LRMDA: variants seen among roughly 807,000 people sequenced by gnomAD.
The protein encoded by LRMDA is leucine-rich melanocyte differentiation-associated protein.
A neutral mutation model predicts 29.8 loss-of-function variants in LRMDA; 18 were observed. That is an observed-to-expected ratio of 0.60 (90% CI 0.42 to 0.90). The LOEUF (loss-of-function observed/expected upper bound fraction) is 0.90. Among genes scored for constraint, LRMDA ranks in the 40% least tolerant of loss-of-function variants. The pLI, the probability that LRMDA is intolerant of heterozygous loss-of-function variation, is 0.00. For missense variants in LRMDA, 273 were observed against 273.9 expected (o/e 1.00, Z 0.02); for synonymous variants, 125 against 109.4 (o/e 1.14, Z -0.89).
At chr10:76,418,515 T>G (rs1453052565) in intron 6 of LRMDA, among the ~76,000 whole-genome samples, 1 of 152,054 alleles carries the variant, frequency 6.6e-6, no homozygotes, top group African/African-American at 2.4e-5. Flanking sequence ...CCTTGCTAAA[T>G]TCACTTATTT....
chr10:75,643,127 T>C (rs944461821), intron 2 of LRMDA: 1 of 152,196 alleles, frequency 6.6e-6, no homozygotes, highest in Middle Eastern at 3.2e-3. Context: ...ACAATTTCTC[T>C]TAACACTTTT....
At chr10:75,850,611 C>T (rs75186283) in intron 2 of LRMDA, among the ~76,000 whole-genome samples, 2,383 of 152,194 alleles carry the variant, frequency 0.016, 52 homozygotes, top group African/African-American at 0.05. Flanking sequence ...TAGAAAACAT[C>T]AAAGTCAAAA....
At chr10:76,276,031 A>ATCTATCTG (rs1458168270) in intron 5 of LRMDA, among the ~76,000 whole-genome samples, 1 of 147,824 alleles carries the variant, frequency 6.8e-6, no homozygotes, top group Non-Finnish European at 1.5e-5. Flanking sequence ...CTATCTATCT[A>ATCTATCTG]TCTATCTATC....
chr10:76,125,371 G>A (rs976154619), intron 5 of LRMDA, among the ~76,000 whole-genome samples: 1 of 152,174 alleles, frequency 6.6e-6, no homozygotes, highest in African/African-American at 2.4e-5. Context: ...TTGAAATGAG[G>A]TGACCTCCTG....
chr10:75,904,889 T>TGACA (rs1845733522), intron 2 of LRMDA, among the ~76,000 whole-genome samples: 1 of 152,072 alleles, frequency 6.6e-6, no homozygotes, highest in Non-Finnish European at 1.5e-5. Context: ...CGATTATTAG[T>TGACA]GACAGCTTGT....
At chr10:76,254,358 C>CTATGCTATGCTATGCTATGCTATG (rs1554859386) in intron 5 of LRMDA, among the ~76,000 whole-genome samples, 5 of 131,330 alleles carry the variant, frequency 3.8e-5, no homozygotes, top group East Asian at 2.3e-4. Context: ...CCTATCCTAT[C>CTATGCTATGCTATGCTATGCTATG]CTATGCTATG....
intron 5 of LRMDA, among the ~76,000 whole-genome samples, chr10:76,222,156 C>T (rs1413252791): frequency 6.6e-6 from 1 of 151,886 alleles, no homozygotes; most frequent in Non-Finnish European, 1.5e-5. Flanking sequence ...GACCTAAAAC[C>T]ATAAAAACCC....
chr10:76,316,941 A>G (rs528437058), intron 5 of LRMDA, among the ~76,000 whole-genome samples: 1 of 152,318 alleles, frequency 6.6e-6, no homozygotes, highest in East Asian at 1.9e-4. Flanking sequence ...CAATGCTTTG[A>G]GAAGTTGTCC....
chr10:76,075,335 C>A (rs568019639), intron 5 of LRMDA, among the ~76,000 whole-genome samples: 1 of 152,298 alleles, frequency 6.6e-6, no homozygotes, highest in African/African-American at 2.4e-5. Context: ...CAGGGGTGCC[C>A]ATGCACAGAG....
chr10:75,969,739 AC>A (rs1371350066), intron 2 of LRMDA, among the ~76,000 whole-genome samples: 3 of 142,492 alleles, frequency 2.1e-5, no homozygotes, highest in South Asian at 2.6e-4. Context: ...GCTTCCCTGG[AC>A]TTTTTTTAGG....
intron 6 of LRMDA, among the ~76,000 whole-genome samples, chr10:76,471,151 TAGAAAG>T (rs1351954779): frequency 6.6e-6 from 1 of 151,650 alleles, no homozygotes; most frequent in Non-Finnish European, 1.5e-5. Context: ...AAATGATAAA[TAGAAAG>T]GGAAATATAA....
intron 1 of LRMDA, among the ~76,000 whole-genome samples, chr10:75,437,296 T>G (rs1844273418): frequency 1.3e-5 from 2 of 152,244 alleles, no homozygotes; most frequent in South Asian, 4.1e-4. Context: ...ACCATAGTCT[T>G]GTTTCCCATG....
intron 2 of LRMDA, among the ~76,000 whole-genome samples, chr10:76,009,575 C>T: frequency 6.6e-6 from 1 of 152,114 alleles, no homozygotes; most frequent in East Asian, 1.9e-4. Flanking sequence ...TTCGACAGAG[C>T]CAGGGACTCT....
chr10:76,543,676 G>A (rs1035187646), intron 6 of LRMDA, among the ~76,000 whole-genome samples: 2 of 152,096 alleles, frequency 1.3e-5, no homozygotes, highest in African/African-American at 4.8e-5. Context: ...AAGAATGCAA[G>A]CTCTTATACA....
intron 2 of LRMDA, among the ~76,000 whole-genome samples, chr10:75,791,426 TAATAAAG>T (rs1843563180): frequency 6.6e-6 from 1 of 152,210 alleles, no homozygotes; most frequent in Non-Finnish European, 1.5e-5. Flanking sequence ...CATTATTTTT[TAATAAAG>T]CCATTTATCA....
intron 6 of LRMDA, among the ~76,000 whole-genome samples, chr10:76,550,967 C>T (rs1189999927): frequency 4.6e-5 from 7 of 152,242 alleles, no homozygotes; most frequent in Admixed American, 3.3e-4. Context: ...ATCACATGGG[C>T]TGACCTCAGG....
intron 5 of LRMDA, among the ~76,000 whole-genome samples, chr10:76,201,254 G>A (rs1012546309): frequency 1.3e-5 from 2 of 151,526 alleles, no homozygotes; most frequent in South Asian, 2.1e-4. Context: ...GCACCACCAC[G>A]CCAGCTAACT....
In LRMDA at chr10:75,706,712, G is replaced by A. The variant is rs1022260877; in HGVS notation, c.131+268218G>A. Among the ~76,000 whole-genome samples, 7 of 149,340 alleles carry A rather than the reference G, an allele frequency of 4.7e-5. No homozygotes were observed. The East Asian group carries it at 5.9e-4, about 13-fold the overall frequency. ...TTTAAATCACGAGACAATCCTATAC[G>A]TTGAGAATTATTGGTACCACTTTTT... On this transcript the variant is annotated intron_variant, in intron 2 of 6. Coordinates refer to ENST00000611255, the MANE Select transcript of LRMDA (RefSeq NM_001305581.2).
In LRMDA at chr10:75,912,364, G is replaced by C. The variant is rs538713818; in HGVS notation, c.132-123644G>C. ...TTGCAGAGGACATGCAAAGTGCTGAGGTAAAGAAGAGAATGGGTGACAGAA... is the reference window on the plus strand; with the variant it reads ...TTGCAGAGGACATGCAAAGTGCTGACGTAAAGAAGAGAATGGGTGACAGAA... On this transcript the variant is annotated intron_variant, in intron 2 of 6. Transcript: ENST00000611255. Among the ~76,000 whole-genome samples, 7 of 152,254 alleles carry C rather than the reference G, an allele frequency of 4.6e-5. No individual in the cohort carries two copies. The South Asian group carries it at 1.5e-3, about 32-fold the overall frequency.
Sources: gnomAD v4.1 joint callset for allele counts (sites outside exome capture counted in the v4.1 genomes callset) on GRCh38, gnomAD v4.1.1 for gene constraint, MANE v1.5 for transcripts, NCBI Gene and HGNC (gene_info 2026-07-23, HGNC 2026-07-21) for gene names.